Variants in SEC23IP observed in about 807,000 individuals in gnomAD.
The protein encoded by SEC23IP is SEC23 interacting protein.
In SEC23IP, 70 loss-of-function variants were observed where a neutral mutation model predicts 113.4. The observed-to-expected ratio is 0.62, with a 90% CI of 0.51 to 0.75. The LOEUF is 0.75. Ranked by LOEUF, SEC23IP falls within the 30% of genes least tolerant of loss-of-function variation. The probability of loss-of-function intolerance (pLI) is 0.00; values close to 1 mark genes in which losing one functional copy is unlikely to be tolerated. For synonymous variants in SEC23IP, 398 were observed against 421.0 expected (o/e 0.95, Z 0.67); for missense variants, 1,160 against 1,204.9 (o/e 0.96, Z 0.55).
In SEC23IP at chr10:119,902,999, C is replaced by G. The variant is rs747233017; in HGVS notation, c.897C>G (p.Ile299Met). The G allele has an allele frequency of 3.1e-6, 5 of 1,612,572 alleles. No individual in the cohort carries two copies. The highest frequency in any genetic ancestry group is 4.2e-6 in the Non-Finnish European group (5 of 1,178,724). Residue 299 changes from isoleucine (I) to methionine (M), a missense_variant, in exon 3 of 19, where the codon ATC becomes ATG. Transcript: ENST00000369075. Reference sequence around the variant, plus strand: ...TCGACTCTTTGAATCTTGAAGAAATCTATAATTCAGGTAAACATTGGTCAT... The same window carrying G: ...TCGACTCTTTGAATCTTGAAGAAATGTATAATTCAGGTAAACATTGGTCAT... ...SVFDSLNLEE[I>M]YNSVQPDPES... is the part of the protein sequence containing the mutation.
chr10:119,897,733 C>T (rs1854323890), intron 1 of SEC23IP, among the ~76,000 whole-genome samples: 1 of 152,184 alleles, frequency 6.6e-6, no homozygotes, highest in Non-Finnish European at 1.5e-5. Context: ...CACGGGGGCT[C>T]ATGCCCGTAA....
intron 2 of SEC23IP, among the ~76,000 whole-genome samples, chr10:119,900,172 C>G (rs1173635058): frequency 1.3e-5 from 2 of 152,004 alleles, no homozygotes; most frequent in African/African-American, 2.4e-5. Context: ...GGACATTCTT[C>G]TTATGTGCAC....
In SEC23IP at chr10:119,914,789, G is replaced by A. The variant is rs777850441; in HGVS notation, c.1372G>A (p.Asp458Asn). 1 of 1,614,160 alleles carries A rather than the reference G, an allele frequency of 6.2e-7. No homozygotes were observed. Among genetic ancestry groups the A allele is most frequent in the Non-Finnish European group, 8.5e-7 (1 of 1,180,002 alleles). Residue 458 changes from aspartate (D) to asparagine (N), a missense_variant, in exon 7 of 19, where the codon GAC (aspartate) becomes AAC (asparagine). By Grantham distance (23) the Asp-to-Asn change is conservative. Coordinates refer to ENST00000369075, the MANE Select transcript of SEC23IP (RefSeq NM_007190.4). ...FVVHGIGPVC[D>N]LRFRSIIECV... is the part of the protein sequence containing the mutation. Reference sequence around the variant, plus strand: ...GGTGCATGGCATTGGACCTGTGTGTGACTTACGCTTTAGGAGCATTATTGA... The same window carrying A: ...GGTGCATGGCATTGGACCTGTGTGTAACTTACGCTTTAGGAGCATTATTGA...
At chr10:119,913,160 G>T (rs1173911262) in intron 6 of SEC23IP, among the ~76,000 whole-genome samples, 1 of 152,124 alleles carries the variant, frequency 6.6e-6, no homozygotes, top group Non-Finnish European at 1.5e-5. Flanking sequence ...CTACATATGA[G>T]TGAGGACATA....
rs1854141016 is a variant in SEC23IP at position 119,892,943 on chromosome 10, G to C, written c.161G>C (p.Gly54Ala). The C allele has an allele frequency of 6.2e-7, 1 of 1,612,116 alleles. No individual in the cohort carries two copies. Among genetic ancestry groups the C allele is most frequent in the African/African-American group, 1.3e-5 (1 of 74,878 alleles). Residue 54 changes from glycine to alanine, a missense_variant and splice_region_variant, in exon 1 of 19, where the codon GGA (glycine) becomes GCA (alanine). Gly to Ala is a moderately conservative substitution (Grantham distance 60). Transcript: ENST00000369075. ...TCTCCGGCCTCCCTGCTCTTACCGG[G>C]AGGTAATAAGGGGAGGGCGGCCCCG... ...SASPASLLLP[G>A]EDSTDVGEED...
intron 18 of SEC23IP, among the ~76,000 whole-genome samples, chr10:119,939,653 C>T (rs939626091): frequency 1.3e-5 from 2 of 151,814 alleles, no homozygotes; most frequent in African/African-American, 2.4e-5. Context: ...CCTGCCTGGG[C>T]GACAGGGCGA....
chr10:119,902,903 G>T lies in SEC23IP; in HGVS notation c.801G>T (p.Glu267Asp), dbSNP rs767211149. The T allele has an allele frequency of 3.3e-5, 54 of 1,614,020 alleles. No individual in the cohort carries two copies. The highest frequency in any genetic ancestry group is 4.5e-5 in the Non-Finnish European group (53 of 1,180,006). Reference protein sequence around the residue: ...PSPFLLQNQYEPVQPHWFYCK... With the variant: ...PSPFLLQNQYDPVQPHWFYCK... Reference sequence around the variant, plus strand: ...CTTTTCTACTTCAAAACCAATATGAGCCTGTTCAGCCCCACTGGTTTTACT... The same window carrying T: ...CTTTTCTACTTCAAAACCAATATGATCCTGTTCAGCCCCACTGGTTTTACT... Residue 267 changes from glutamate (E) to aspartate (D), a missense_variant, in exon 3 of 19, where the codon GAG becomes GAT. Physicochemically the swap from Glu to Asp is conservative, Grantham distance 45. Coordinates refer to ENST00000369075, the MANE Select transcript of SEC23IP (RefSeq NM_007190.4).
At chr10:119,923,453 C>T (rs746120842) in intron 12 of SEC23IP, among the ~76,000 whole-genome samples, 1 of 149,868 alleles carries the variant, frequency 6.7e-6, no homozygotes, top group Non-Finnish European at 1.5e-5. Context: ...TGACTGTGTG[C>T]TTTTTTTTTC....
intron 18 of SEC23IP, among the ~76,000 whole-genome samples, chr10:119,935,612 T>G (rs1855751887): frequency 6.6e-6 from 1 of 152,202 alleles, no homozygotes; most frequent in Non-Finnish European, 1.5e-5. Context: ...AGCACCTTAC[T>G]TAAGTGCCAG....
At chr10:119,925,114 G>A (rs976852267) in intron 12 of SEC23IP, among the ~76,000 whole-genome samples, 1 of 152,162 alleles carries the variant, frequency 6.6e-6, no homozygotes, top group African/African-American at 2.4e-5. Context: ...GAGTTTTCAC[G>A]ATTGTATGCA....
rs767112256 is a variant in SEC23IP at position 119,892,818 on chromosome 10, C to A, written c.36C>A (p.Gly12=). Residue 12 remains glycine, a synonymous_variant, in exon 1 of 19, where the codon GGC becomes GGA. Transcript: ENST00000369075. ...AERKPNGGSG[G]ASTSSSGTNL... ...GAAAACCTAACGGTGGCAGCGGCGGCGCCTCCACTTCCTCATCGGGCACTA... is the reference window on the plus strand; with the variant it reads ...GAAAACCTAACGGTGGCAGCGGCGGAGCCTCCACTTCCTCATCGGGCACTA... 1.6e-5 allele frequency: 25 copies of A among 1,612,530 alleles called. No homozygotes were observed. The highest frequency in any genetic ancestry group is 1.9e-5 in the Non-Finnish European group (23 of 1,179,550).
chr10:119,919,406 C>T, intron 10 of SEC23IP, 38 bp from the exon 11 acceptor site: 1 of 1,565,208 alleles, frequency 6.4e-7, no homozygotes, highest in Non-Finnish European at 8.6e-7. Flanking sequence ...GGGAGTTTTT[C>T]TGAGCTTGTA....
At chr10:119,908,526 T>C (rs2475301) in intron 4 of SEC23IP, among the ~76,000 whole-genome samples, 108,392 of 152,106 alleles carry the variant, frequency 0.71, 38,908 homozygotes, top group East Asian at 0.82. Context: ...ATATAACTTG[T>C]GATGTGAAGA....
rs118110471 is a variant in SEC23IP, at chr10:119,926,177, G to T, written c.2263G>T (p.Val755Leu). The change falls in exon 13 of 19, where the codon GTG becomes TTG. Residue 755 changes from valine to leucine, a missense_variant. Physicochemically the swap from Val to Leu is conservative, Grantham distance 32. Coordinates refer to ENST00000369075, the MANE Select transcript of SEC23IP (RefSeq NM_007190.4). ...GAGGAAACTTCCAGTTGGTGCTTGC[G>T]TGTCTTCTGTGTGTGTGAATTATGA... ...PKRKLPVGACVSSVCVNYESF... is the reference protein window; with the variant it reads ...PKRKLPVGACLSSVCVNYESF... 2 of 1,614,130 alleles carry T rather than the reference G, an allele frequency of 1.2e-6. No homozygotes were observed. Among genetic ancestry groups the T allele is most frequent in the South Asian group, 2.2e-5 (2 of 91,086 alleles).
In SEC23IP at chr10:119,898,473, T is replaced by C. The variant is rs771413675; in HGVS notation, c.210T>C (p.Thr70=). The change falls in exon 2 of 19, where the codon ACT becomes ACC. Residue 70 remains threonine, a synonymous_variant. Transcript: ENST00000369075. Reference sequence around the variant, plus strand: ...AGGAGGACAGCTTCCTTGGTCAGACTTCTATTCACACATCTGCCCCACAGA... The same window carrying C: ...AGGAGGACAGCTTCCTTGGTCAGACCTCTATTCACACATCTGCCCCACAGA... ...VGEEDSFLGQ[T]SIHTSAPQTF... 3.7e-6 allele frequency: 6 copies of C among 1,613,954 alleles called. No individual in the cohort carries two copies. In the African/African-American group the frequency reaches 8.0e-5, roughly 22 times the overall value.
At chr10:119,900,662 AGCTCACCT>A (rs1251106813) in intron 2 of SEC23IP, among the ~76,000 whole-genome samples, 2 of 152,014 alleles carry the variant, frequency 1.3e-5, no homozygotes, top group East Asian at 3.8e-4. Flanking sequence ...GCGCAATCAC[AGCTCACCT>A]GCAGTCTCAA....
intron 8 of SEC23IP, among the ~76,000 whole-genome samples, 153 bp downstream of exon 8, chr10:119,916,042 A>G (rs1479501309): frequency 6.6e-6 from 1 of 152,252 alleles, no homozygotes; most frequent in East Asian, 1.9e-4. Context: ...TGTAAAGTTT[A>G]CACACTACTT....
At chr10:119,920,358 G>T (rs1234550335) in intron 11 of SEC23IP, among the ~76,000 whole-genome samples, 3 of 152,218 alleles carry the variant, frequency 2.0e-5, no homozygotes, top group Non-Finnish European at 4.4e-5. Flanking sequence ...GAGGAGTAGG[G>T]TGCTAGTGAA....
chr10:119,895,373 A>G (rs894694912), intron 1 of SEC23IP, among the ~76,000 whole-genome samples: 1 of 152,176 alleles, frequency 6.6e-6, no homozygotes, highest in Non-Finnish European at 1.5e-5. Context: ...GTGAGACTCC[A>G]TCTCAAAAAC....
Sources: gnomAD v4.1 joint callset for allele counts (sites outside exome capture counted in the v4.1 genomes callset) on GRCh38, gnomAD v4.1.1 for gene constraint, MANE v1.5 for transcripts, NCBI Gene and HGNC (gene_info 2026-07-23, HGNC 2026-07-21) for gene names.